Variants in AMY2B observed in about 807,000 individuals in gnomAD.
AMY2B encodes amylase alpha 2B.
AMY2B carries 63 observed loss-of-function variants against 59.3 expected under a neutral mutation model. The observed-to-expected ratio is 1.06, with a 90% CI of 0.87 to 1.31. The LOEUF (loss-of-function observed/expected upper bound fraction) is 1.31, where lower values mean the gene tolerates loss of function less well. Among genes scored for constraint, AMY2B ranks in the 50% most tolerant of loss-of-function variants. The pLI, the probability that AMY2B is intolerant of heterozygous loss-of-function variation, is 0.00. For synonymous variants in AMY2B, 180 were observed against 198.1 expected, an observed-to-expected ratio of 0.91 and a Z score of 0.77; for missense variants, 635 against 626.7, an observed-to-expected ratio of 1.01 and a Z score of -0.14.
chr1:103,560,546 C>T (rs778246129), intron 1 of AMY2B, among the ~76,000 whole-genome samples: 4 of 152,112 alleles, frequency 2.6e-5, no homozygotes, highest in Non-Finnish European at 2.9e-5. Flanking sequence ...CCCTATACCA[C>T]AGGAATTAGG....
Position 103,573,083 on chromosome 1 carries a change from T to C in AMY2B, c.336T>C (p.Ala112=), listed in dbSNP as rs778925456. Residue 112 remains alanine (A), a synonymous_variant, in exon 3 of 10, where the codon GCT becomes GCC. Coordinates refer to ENST00000684275, the MANE Select transcript of AMY2B (RefSeq NM_001387437.1). ...NNVGVRIYVD[A]VINHMSGNAV... ...TCTAGGTTCGTATTTATGTGGATGC[T>C]GTAATTAATCATATGTCTGGTAATG... 3 of 1,613,616 alleles carry C rather than the reference T, an allele frequency of 1.9e-6. No individual in the cohort carries two copies. The East Asian group carries it at 6.7e-5, about 36-fold the overall frequency.
chr1:103,556,616 TATACTAAGTATAGTATAATA>T (rs1172304944), intron 1 of AMY2B, among the ~76,000 whole-genome samples: 1 of 151,476 alleles, frequency 6.6e-6, no homozygotes, highest in African/African-American at 2.4e-5. Flanking sequence ...CTAAGTATAG[TATACTAAGTATAGTATAATA>T]GTACTAAGTA....
intron 1 of AMY2B, among the ~76,000 whole-genome samples, chr1:103,558,746 T>C (rs1315204849): frequency 1.4e-5 from 2 of 140,032 alleles, no homozygotes; most frequent in African/African-American, 5.4e-5. Flanking sequence ...CTGGGTGACA[T>C]AGGGAGACCC....
chr1:103,571,662 T>A lies in AMY2B; in HGVS notation c.60T>A (p.Asn20Lys). ...TCTGCTGGGCTCAGTATTCCCCAAA[T>A]ACACAACAAGGACGGACATCTATTG... ...IGFCWAQYSP[N>K]TQQGRTSIVH... Residue 20 changes from asparagine to lysine, a missense_variant, in exon 1 of 10, where the codon AAT becomes AAA. By Grantham distance (94) the Asn-to-Lys change is moderately conservative. Coordinates refer to ENST00000684275, the MANE Select transcript of AMY2B (RefSeq NM_001387437.1). 6.2e-7 allele frequency: 1 copy of A among 1,611,944 alleles called. No homozygotes were observed. Among genetic ancestry groups the A allele is most frequent in the Non-Finnish European group, 8.5e-7 (1 of 1,179,818 alleles).
In AMY2B at chr1:103,573,966, A is replaced by G. The variant is rs540690484; in HGVS notation, c.744+28A>G. 1.7e-4 allele frequency: 272 copies of G among 1,613,576 alleles called. 5 individuals are homozygous for G. In the South Asian group the frequency reaches 2.8e-3, roughly 17 times the overall value. ...ACATCAATACATATATGCATATAAA[A>G]TATCATCTTATTCATTAGAAAATAA... On this transcript the variant is annotated intron_variant, in intron 4 of 9. Transcript: ENST00000684275.
intron 2 of AMY2B, among the ~76,000 whole-genome samples, chr1:103,565,909 G>A (rs1413404428): frequency 2.0e-5 from 3 of 152,042 alleles, no homozygotes; most frequent in African/African-American, 7.2e-5. Flanking sequence ...TGGTCCATCT[G>A]ATATAATTAA....
chr1:103,562,876 T>A (rs1651779530), intron 1 of AMY2B, among the ~76,000 whole-genome samples: 1 of 152,052 alleles, frequency 6.6e-6, no homozygotes, highest in South Asian at 2.1e-4. Flanking sequence ...TCATTTTATT[T>A]AAGTCAAGGC....
At chr1:103,576,226 A>T (rs1652348057) in intron 7 of AMY2B, among the ~76,000 whole-genome samples, 1 of 152,164 alleles carries the variant, frequency 6.6e-6, no homozygotes, top group South Asian at 2.1e-4. Context: ...AGCATCAGAG[A>T]CTTCAGATCT....
intron 1 of AMY2B, chr1:103,565,153 G>A (rs916463421): frequency 2.0e-5 from 3 of 152,190 alleles, no homozygotes; most frequent in African/African-American, 2.4e-5. Flanking sequence ...GCCTTTTGCA[G>A]TCATCTCTCC....
chr1:103,571,103 G>T, upstream of AMY2B: 1 of 952,236 alleles, frequency 1.1e-6, no homozygotes, highest in Non-Finnish European at 1.3e-6. Context: ...TGTCCTGTCG[G>T]TCTGTCAGGG....
rs1415229996 is a variant in AMY2B at position 103,556,736 on chromosome 1, G to A, written c.-207+1627G>A. On this transcript the variant is annotated intron_variant, in intron 1 of 11. Coordinates refer to the AMY2B transcript ENST00000361355. ...GGAAGGAGATGAATTCAAGAAATTG[G>A]GAACCTAGGAGATTGAAAGCATTAT... Among the ~76,000 whole-genome samples, 8 of 151,872 alleles carry A rather than the reference G, an allele frequency of 5.3e-5. No homozygotes were observed. The East Asian group carries it at 1.5e-3, about 29-fold the overall frequency.
intron 7 of AMY2B, among the ~76,000 whole-genome samples, chr1:103,576,327 A>G (rs552407122): frequency 5.3e-5 from 8 of 152,190 alleles, no homozygotes; most frequent in Admixed American, 1.3e-4. Context: ...GTTACTTTGT[A>G]TAGCAACTGA....
intron 1 of AMY2B, among the ~76,000 whole-genome samples, chr1:103,555,975 C>T (rs1651534736): frequency 6.6e-6 from 1 of 152,098 alleles, no homozygotes. Flanking sequence ...GGCACACAAA[C>T]AGCTCATTAG....
At chr1:103,565,109 C>G (rs2101065344) in intron 1 of AMY2B, 1 of 152,316 alleles carries the variant, frequency 6.6e-6, no homozygotes, top group East Asian at 1.9e-4. Flanking sequence ...TTCCAAGACC[C>G]CCAGCAGGTG....
At chr1:103,563,181 T>C (rs776249715) in intron 1 of AMY2B, among the ~76,000 whole-genome samples, 1 of 152,106 alleles carries the variant, frequency 6.6e-6, no homozygotes, top group Non-Finnish European at 1.5e-5. Flanking sequence ...TAGTGACTAT[T>C]GCTTTGTCGT....
At position 103,571,657 on chromosome 1, in the gene AMY2B, C is replaced by T. The variant is rs550567671; in HGVS notation, c.55C>T (p.Pro19Ser). The change falls in exon 1 of 10, where the codon CCA (proline) becomes TCA (serine). Residue 19 changes from proline to serine, a missense_variant. Coordinates refer to ENST00000684275, the MANE Select transcript of AMY2B (RefSeq NM_001387437.1). ...TGGGTTCTGCTGGGCTCAGTATTCCCCAAATACACAACAAGGACGGACATC... is the reference window on the plus strand; with the variant it reads ...TGGGTTCTGCTGGGCTCAGTATTCCTCAAATACACAACAAGGACGGACATC... ...TIGFCWAQYS[P>S]NTQQGRTSIV... is the part of the protein sequence containing the mutation. The T allele has an allele frequency of 5.6e-5, 91 of 1,611,888 alleles. No individual in the cohort carries two copies. The highest frequency in any genetic ancestry group is 2.0e-4 in the South Asian group (18 of 90,980).
chr1:103,556,895 ATACTTTAT>A (rs1485421788), intron 1 of AMY2B, among the ~76,000 whole-genome samples: 1 of 152,142 alleles, frequency 6.6e-6, no homozygotes, highest in Non-Finnish European at 1.5e-5. Context: ...CAACTGTAAG[ATACTTTAT>A]TACATTTAAT....
Position 103,571,884 on chromosome 1 carries a change from G to C in AMY2B, c.168+114G>C, listed in dbSNP as rs969745523. On this transcript the variant is annotated intron_variant, in intron 1 of 9. Transcript: ENST00000684275. ...TTTACTTCACAGGTAAGTATTCTAA[G>C]TAAGAGTTTTCTGAGGAAAAAACAA... 4 of 1,596,352 alleles carry C rather than the reference G, an allele frequency of 2.5e-6. No individual in the cohort carries two copies. The African/African-American group carries it at 5.4e-5, about 22-fold the overall frequency.
chr1:103,558,858 C>T (rs1651643781), intron 1 of AMY2B, among the ~76,000 whole-genome samples: 2 of 151,576 alleles, frequency 1.3e-5, no homozygotes, highest in African/African-American at 2.4e-5. Context: ...TAAACAAGAT[C>T]TAAGGATAAG....
Sources: allele counts gnomAD v4.1 joint callset (sites outside exome capture counted in the v4.1 genomes callset), GRCh38; gene constraint gnomAD v4.1.1; transcripts MANE v1.5; gene names NCBI Gene and HGNC (gene_info 2026-07-23, HGNC 2026-07-21).